Variants in LRMDA observed in about 807,000 individuals in gnomAD.
LRMDA encodes leucine-rich melanocyte differentiation-associated protein.
Under a neutral mutation model 29.8 loss-of-function variants are expected in LRMDA, and 18 were observed. The ratio of observed to expected loss-of-function variants is 0.60; its 90% CI spans 0.42 to 0.90. The LOEUF is 0.90. Ranked by LOEUF, LRMDA falls within the 40% of genes least tolerant of loss-of-function variation. The pLI, the probability that LRMDA is intolerant of heterozygous loss-of-function variation, is 0.00. For missense variants in LRMDA, 273 were observed against 273.9 expected (o/e 1.00, Z 0.02); for synonymous variants, 125 against 109.4 (o/e 1.14, Z -0.89).
chr10:75,980,521 G>A (rs990141960), intron 2 of LRMDA, among the ~76,000 whole-genome samples: 16 of 152,146 alleles, frequency 1.1e-4, no homozygotes, highest in African/African-American at 3.9e-4. Flanking sequence ...TTTTGGCAGG[G>A]GGGCTATAAT....
intron 6 of LRMDA, among the ~76,000 whole-genome samples, chr10:76,457,292 G>T (rs1169789183): frequency 6.6e-6 from 1 of 152,128 alleles, no homozygotes; most frequent in East Asian, 1.9e-4. Context: ...TTGCAAATTT[G>T]CCTGCCCACT....
chr10:75,865,032 T>A (rs939387798), intron 2 of LRMDA, among the ~76,000 whole-genome samples: 1 of 152,224 alleles, frequency 6.6e-6, no homozygotes, highest in Non-Finnish European at 1.5e-5. Context: ...TTTCTGCCTC[T>A]TTCTTTTACC....
intron 2 of LRMDA, among the ~76,000 whole-genome samples, chr10:75,747,737 C>G (rs180674038): frequency 1.3e-5 from 2 of 152,108 alleles, no homozygotes; most frequent in African/African-American, 4.8e-5. Flanking sequence ...CTTCATTTTA[C>G]GTGAGAAGAA....
At chr10:76,471,379 A>AAGAG (rs1430886974) in intron 6 of LRMDA, among the ~76,000 whole-genome samples, 2 of 151,776 alleles carry the variant, frequency 1.3e-5, no homozygotes, top group African/African-American at 4.8e-5. Flanking sequence ...ATATATCTGA[A>AAGAG]AGAGATTCTG....
chr10:75,750,721 CG>C (rs1417056833), intron 2 of LRMDA, among the ~76,000 whole-genome samples: 1 of 114,048 alleles, frequency 8.8e-6, no homozygotes, highest in Non-Finnish European at 1.8e-5. Context: ...CCAGACGGGG[CG>C]GGGGGGCAGA....
At chr10:75,758,533 G>A (rs1462365321) in intron 2 of LRMDA, among the ~76,000 whole-genome samples, 1 of 152,226 alleles carries the variant, frequency 6.6e-6, no homozygotes, top group Non-Finnish European at 1.5e-5. Flanking sequence ...TTGCGTGGCA[G>A]TGAGGCAAAT....
chr10:76,481,107 A>T (rs1842729257), intron 6 of LRMDA, among the ~76,000 whole-genome samples: 1 of 151,936 alleles, frequency 6.6e-6, no homozygotes, highest in South Asian at 2.1e-4. Flanking sequence ...TTATAAATTA[A>T]TGTGGATCAT....
chr10:76,053,004 C>T (rs555921644), intron 4 of LRMDA, among the ~76,000 whole-genome samples: 6 of 152,212 alleles, frequency 3.9e-5, no homozygotes, highest in South Asian at 4.2e-4. Flanking sequence ...AAGCTGTCTC[C>T]GGGTGTCGCA....
chr10:75,490,067 T>A (rs754249609), intron 2 of LRMDA, among the ~76,000 whole-genome samples: 6 of 152,186 alleles, frequency 3.9e-5, no homozygotes, highest in Non-Finnish European at 8.8e-5. Context: ...GTCATTTGTG[T>A]CTTACAATAA....
chr10:75,896,266 T>C (rs1589244934), intron 2 of LRMDA, among the ~76,000 whole-genome samples: 2 of 152,214 alleles, frequency 1.3e-5, no homozygotes, highest in East Asian at 3.8e-4. Context: ...GCTAGCTATA[T>C]GATTTGGGGT....
At chr10:76,259,438 A>G (rs1839905757) in intron 5 of LRMDA, among the ~76,000 whole-genome samples, 1 of 152,140 alleles carries the variant, frequency 6.6e-6, no homozygotes, top group Non-Finnish European at 1.5e-5. Context: ...GATGCTTGAT[A>G]TAATTTTGAC....
At chr10:76,294,178 A>G (rs1447978132) in intron 5 of LRMDA, among the ~76,000 whole-genome samples, 1 of 152,204 alleles carries the variant, frequency 6.6e-6, no homozygotes, top group African/African-American at 2.4e-5. Context: ...CTATGACCAG[A>G]GTGAACTCAT....
chr10:76,245,158 A>G (rs996134064), intron 5 of LRMDA, among the ~76,000 whole-genome samples: 1 of 152,216 alleles, frequency 6.6e-6, no homozygotes, highest in Non-Finnish European at 1.5e-5. Context: ...CAACAAGGGA[A>G]GAAAATTTTA....
chr10:76,146,423 T>C (rs527735583), intron 5 of LRMDA, among the ~76,000 whole-genome samples: 1 of 151,774 alleles, frequency 6.6e-6, no homozygotes, highest in African/African-American at 2.4e-5. Flanking sequence ...TCTTGTTGAA[T>C]TGATCCCTTT....
chr10:76,444,768 G>A (rs941095420), intron 6 of LRMDA, among the ~76,000 whole-genome samples: 1 of 152,132 alleles, frequency 6.6e-6, no homozygotes, highest in Non-Finnish European at 1.5e-5. Flanking sequence ...AGGCCAGGAA[G>A]AAGGACAATG....
intron 2 of LRMDA, among the ~76,000 whole-genome samples, chr10:75,749,759 A>G (rs12258953): frequency 0.036 from 5,478 of 152,074 alleles, 253 homozygotes; most frequent in African/African-American, 0.11. Context: ...TGGTTTTCCT[A>G]GGCAGAGGAC....
At chr10:76,390,020 C>T (rs1033648683) in intron 6 of LRMDA, among the ~76,000 whole-genome samples, 1 of 152,044 alleles carries the variant, frequency 6.6e-6, no homozygotes, top group East Asian at 1.9e-4. Context: ...TTAAAATGGC[C>T]AGATTATGTA....
At chr10:75,654,930 T>C (rs1421736700) in intron 2 of LRMDA, among the ~76,000 whole-genome samples, 9 of 152,208 alleles carry the variant, frequency 5.9e-5, no homozygotes, top group Non-Finnish European at 1.0e-4. Context: ...AAAATTAACT[T>C]TGCTCTAGTT....
At chr10:75,536,321 C>A (rs887346699) in intron 2 of LRMDA, among the ~76,000 whole-genome samples, 3 of 152,134 alleles carry the variant, frequency 2.0e-5, no homozygotes, top group Admixed American at 2.0e-4. Flanking sequence ...CAAACATGCC[C>A]CCTGGCCTGG....
Sources: gnomAD v4.1 joint callset for allele counts (sites outside exome capture counted in the v4.1 genomes callset) on GRCh38, gnomAD v4.1.1 for gene constraint, MANE v1.5 for transcripts, NCBI Gene and HGNC (gene_info 2026-07-23, HGNC 2026-07-21) for gene names.